SUCLG2: variants seen among roughly 807,000 people sequenced by gnomAD.
The protein encoded by SUCLG2 is succinate--CoA ligase [GDP-forming] subunit beta, mitochondrial.
A neutral mutation model predicts 47.9 loss-of-function variants in SUCLG2; 42 were observed. That is an observed-to-expected ratio of 0.88 (90% CI 0.69 to 1.14). SUCLG2 has a LOEUF of 1.14. Ranked by LOEUF, SUCLG2 falls within the 50% of genes most tolerant of loss-of-function variation. The pLI, the probability that SUCLG2 is intolerant of heterozygous loss-of-function variation, is 0.00. For synonymous variants in SUCLG2, 195 were observed against 197.3 expected, an observed-to-expected ratio of 0.99 and a Z score of 0.10; for missense variants, 571 against 525.9, an observed-to-expected ratio of 1.09 and a Z score of -0.84.
At chr3:67,477,998 G>C (rs946833828) in intron 9 of SUCLG2, among the ~76,000 whole-genome samples, 1 of 152,130 alleles carries the variant, frequency 6.6e-6, no homozygotes, top group Non-Finnish European at 1.5e-5. Context: ...CCTACGATAG[G>C]TACTATTATC....
At chr3:67,503,994 A>C (rs1186226781) in intron 7 of SUCLG2, among the ~76,000 whole-genome samples, 1 of 152,222 alleles carries the variant, frequency 6.6e-6, no homozygotes. Flanking sequence ...CTTACACATA[A>C]AAGGAACATA....
chr3:67,431,078 G>A (rs1703467519), intron 9 of SUCLG2, among the ~76,000 whole-genome samples: 1 of 152,126 alleles, frequency 6.6e-6, no homozygotes, highest in East Asian at 1.9e-4. Flanking sequence ...TAGAAAAGGA[G>A]GGAATCCTCC....
intron 9 of SUCLG2, among the ~76,000 whole-genome samples, chr3:67,464,373 A>T (rs190909267): frequency 6.6e-6 from 1 of 152,342 alleles, no homozygotes; most frequent in East Asian, 1.9e-4. Flanking sequence ...CTTCCTGGGA[A>T]TAGCGCTTTT....
At chr3:67,497,567 A>AAATTTAGC (rs1456753701) in intron 8 of SUCLG2, among the ~76,000 whole-genome samples, 5 of 152,164 alleles carry the variant, frequency 3.3e-5, no homozygotes, top group Non-Finnish European at 5.9e-5. Context: ...CAGAACCTGA[A>AAATTTAGC]ACTTTAGCAA....
intron 7 of SUCLG2, among the ~76,000 whole-genome samples, chr3:67,505,968 AAAAAAGAAAAAG>A (rs563321633): frequency 4.6e-5 from 7 of 151,854 alleles, no homozygotes; most frequent in Non-Finnish European, 7.4e-5. Flanking sequence ...TCTCAAAAAT[AAAAAAGAAAAAG>A]AAAAAGAAAA....
chr3:67,551,572 A>T (rs1316499548), intron 2 of SUCLG2, among the ~76,000 whole-genome samples: 1 of 152,128 alleles, frequency 6.6e-6, no homozygotes. Flanking sequence ...CGATGCAGGG[A>T]CTGATCCAGC....
intron 9 of SUCLG2, among the ~76,000 whole-genome samples, chr3:67,441,097 AC>A (rs1703751462): frequency 6.6e-6 from 1 of 152,122 alleles, no homozygotes; most frequent in African/African-American, 2.4e-5. Flanking sequence ...GAAGCTGGAA[AC>A]CATCATTCTC....
At chr3:67,602,342 T>C (rs149710863) in intron 2 of SUCLG2, among the ~76,000 whole-genome samples, 2 of 152,292 alleles carry the variant, frequency 1.3e-5, no homozygotes, top group African/African-American at 4.8e-5. Context: ...CAAAGTACTG[T>C]TCTCATTTGT....
intron 9 of SUCLG2, among the ~76,000 whole-genome samples, chr3:67,462,791 C>G (rs552936172): frequency 8.5e-5 from 13 of 152,176 alleles, no homozygotes; most frequent in African/African-American, 3.1e-4. Flanking sequence ...TTGCAATCAG[C>G]ATCGGAAGTG....
At chr3:67,506,157 TATTAAG>T (rs1705632450) in intron 7 of SUCLG2, among the ~76,000 whole-genome samples, 1 of 152,162 alleles carries the variant, frequency 6.6e-6, no homozygotes, top group South Asian at 2.1e-4. Flanking sequence ...AGATTATAAA[TATTAAG>T]ATTATCAATA....
At chr3:67,635,734 G>A (rs1559606820) in intron 1 of SUCLG2, among the ~76,000 whole-genome samples, 1 of 152,002 alleles carries the variant, frequency 6.6e-6, no homozygotes, top group Non-Finnish European at 1.5e-5. Flanking sequence ...GTTTTCTACC[G>A]GAGTTTAGCC....
chr3:67,589,374 T>C (rs77423771), intron 2 of SUCLG2, among the ~76,000 whole-genome samples: 1 of 152,312 alleles, frequency 6.6e-6, no homozygotes, highest in Non-Finnish European at 1.5e-5. Context: ...ACTCCAGTTA[T>C]ATCTCCAGCA....
chr3:67,435,395 T>C (rs1268958153), intron 9 of SUCLG2, among the ~76,000 whole-genome samples: 2 of 152,214 alleles, frequency 1.3e-5, no homozygotes, highest in South Asian at 2.1e-4. Context: ...CAGTTGTTAA[T>C]AGTGGTAATG....
rs543956553 is a variant in SUCLG2 at position 67,425,436 on chromosome 3, C to T, written c.1063-24585G>A. Reference sequence around the variant, plus strand: ...TGAGAGTGTTTCCACAAGAGATTAGCATTTGAATTCATAGACTGAATAGAG... The same window carrying T: ...TGAGAGTGTTTCCACAAGAGATTAGTATTTGAATTCATAGACTGAATAGAG... On this transcript the variant is annotated intron_variant, in intron 9 of 10. Transcript: ENST00000307227. Among the ~76,000 whole-genome samples the T allele has an allele frequency of 2.0e-5, 3 of 152,164 alleles. No homozygotes were observed. The South Asian group carries it at 6.2e-4, about 32-fold the overall frequency.
chr3:67,401,327 G>T (rs1702679345), intron 9 of SUCLG2, among the ~76,000 whole-genome samples: 1 of 151,918 alleles, frequency 6.6e-6, no homozygotes, highest in South Asian at 2.1e-4. Context: ...ATGTTTTCAT[G>T]CTTCCTTAAT....
intron 9 of SUCLG2, among the ~76,000 whole-genome samples, chr3:67,455,762 G>A (rs1012893842): frequency 6.6e-6 from 1 of 151,948 alleles, no homozygotes; most frequent in African/African-American, 2.4e-5. Context: ...GAGGAATAAA[G>A]ATTTTCAAAT....
chr3:67,539,644 C>T (rs1401449347), intron 2 of SUCLG2, among the ~76,000 whole-genome samples: 2 of 152,196 alleles, frequency 1.3e-5, no homozygotes, highest in African/African-American at 4.8e-5. Context: ...GTACCAGCTC[C>T]TCTTTGTACC....
chr3:67,426,257 A>C (rs1448893545), intron 9 of SUCLG2, among the ~76,000 whole-genome samples: 2 of 152,184 alleles, frequency 1.3e-5, no homozygotes, highest in African/African-American at 4.8e-5. Flanking sequence ...TCATATTAGC[A>C]CCTGAGGTCA....
chr3:67,581,066 A>C (rs1475747293), intron 2 of SUCLG2, among the ~76,000 whole-genome samples: 1 of 152,194 alleles, frequency 6.6e-6, no homozygotes, highest in Non-Finnish European at 1.5e-5. Flanking sequence ...ACTTCTTCTG[A>C]AGAATACTTA....
Sources: allele counts gnomAD v4.1 joint callset (sites outside exome capture counted in the v4.1 genomes callset), GRCh38; gene constraint gnomAD v4.1.1; transcripts MANE v1.5; gene names NCBI Gene and HGNC (gene_info 2026-07-23, HGNC 2026-07-21).